Variants in MICU1 observed in about 807,000 individuals in gnomAD.
MICU1 encodes the protein calcium uptake protein 1, mitochondrial.
Under a neutral mutation model 56.8 loss-of-function variants are expected in MICU1, and 45 were observed. The ratio of observed to expected loss-of-function variants is 0.79; its 90% CI spans 0.62 to 1.02. The LOEUF (loss-of-function observed/expected upper bound fraction) is 1.02. Among genes scored for constraint, MICU1 ranks in the 50% least tolerant of loss-of-function variants. The pLI is 0.00. For missense variants in MICU1, 504 were observed against 587.1 expected (o/e 0.86, Z 1.46); for synonymous variants, 186 against 195.1 (o/e 0.95, Z 0.39).
chr10:72,372,822 A>G (rs1189621999), intron 11 of MICU1, among the ~76,000 whole-genome samples: 2 of 152,126 alleles, frequency 1.3e-5, no homozygotes, highest in Non-Finnish European at 2.9e-5. Context: ...AGCCTGGGCA[A>G]CAAGAGCTTG....
intron 11 of MICU1, among the ~76,000 whole-genome samples, chr10:72,370,203 C>A (rs918281253): frequency 6.6e-6 from 1 of 152,014 alleles, no homozygotes; most frequent in African/African-American, 2.4e-5. Context: ...TTAGAAACCA[C>A]CCAAGCCACA....
At chr10:72,536,940 G>A (rs925632981) in intron 4 of MICU1, among the ~76,000 whole-genome samples, 2 of 152,130 alleles carry the variant, frequency 1.3e-5, no homozygotes, top group Non-Finnish European at 2.9e-5. Context: ...GCAATACCCA[G>A]AATAACTCAA....
chr10:72,565,482 C>T (rs542375142), intron 2 of MICU1, among the ~76,000 whole-genome samples: 41 of 114,632 alleles, frequency 3.6e-4, no homozygotes, highest in African/African-American at 1.4e-3. Context: ...CACGCCGGGG[C>T]CTGTTGTGGG....
chr10:72,454,523 C>T (rs1211381407), intron 8 of MICU1, among the ~76,000 whole-genome samples: 1 of 151,500 alleles, frequency 6.6e-6, no homozygotes, highest in Non-Finnish European at 1.5e-5. Context: ...TGGCTCATGC[C>T]TGTAATCCCA....
At chr10:72,579,458 T>C (rs946773574) in intron 1 of MICU1, among the ~76,000 whole-genome samples, 1 of 152,192 alleles carries the variant, frequency 6.6e-6, no homozygotes, top group Admixed American at 6.5e-5. Context: ...AGTGAACTCC[T>C]GTTCCTGTAT....
chr10:72,407,646 C>A (rs1863672501), intron 10 of MICU1, among the ~76,000 whole-genome samples: 1 of 152,168 alleles, frequency 6.6e-6, no homozygotes, highest in Non-Finnish European at 1.5e-5. Flanking sequence ...AGGGGAAGTT[C>A]TGCAGCTTCA....
intron 6 of MICU1, among the ~76,000 whole-genome samples, chr10:72,504,065 A>C (rs1192170678): frequency 1.3e-5 from 2 of 152,198 alleles, no homozygotes; most frequent in Non-Finnish European, 2.9e-5. Context: ...TGCCCAAAGG[A>C]ATCTACAGAT....
chr10:72,408,155 C>A (rs1863690741), intron 9 of MICU1, 118 bp from the exon 10 acceptor site: 6 of 628,178 alleles, frequency 9.6e-6, no homozygotes, highest in Non-Finnish European at 1.7e-5. Context: ...AGAACAGAAA[C>A]TGAATACATT....
At chr10:72,588,096 C>T (rs1473633006) in intron 1 of MICU1, among the ~76,000 whole-genome samples, 2 of 152,152 alleles carry the variant, frequency 1.3e-5, no homozygotes, top group African/African-American at 2.4e-5. Context: ...TTTCCCCTCG[C>T]TGTTCTGTGA....
intron 1 of MICU1, among the ~76,000 whole-genome samples, chr10:72,598,564 T>C (rs181483322): frequency 1.3e-5 from 2 of 152,070 alleles, no homozygotes; most frequent in East Asian, 3.9e-4. Context: ...CCTCAAAATA[T>C]ATTCTTAAGC....
intron 5 of MICU1, among the ~76,000 whole-genome samples, chr10:72,513,029 G>A (rs1454306203): frequency 6.6e-6 from 1 of 152,028 alleles, no homozygotes; most frequent in Non-Finnish European, 1.5e-5. Flanking sequence ...AAGACAGGAG[G>A]AGGTTGCTCT....
intron 1 of MICU1, among the ~76,000 whole-genome samples, chr10:72,591,621 C>A (rs1841226957): frequency 2.0e-5 from 3 of 151,988 alleles, no homozygotes. Context: ...ATTGGGAAAC[C>A]TAGATAAGAT....
At chr10:72,556,456 T>G (rs1840161653) in intron 3 of MICU1, among the ~76,000 whole-genome samples, 1 of 152,112 alleles carries the variant, frequency 6.6e-6, no homozygotes, top group Admixed American at 6.6e-5. Context: ...TTCTCATGCC[T>G]CAGCCACCCA....
At chr10:72,480,839 T>C (rs1866271928) in intron 6 of MICU1, among the ~76,000 whole-genome samples, 1 of 152,218 alleles carries the variant, frequency 6.6e-6, no homozygotes, top group Non-Finnish European at 1.5e-5. Context: ...AATGACTGAA[T>C]GAGTTATTCT....
rs933722368 is a variant in MICU1 at position 72,509,260 on chromosome 10, C to T, written c.538-991G>A. 1.0e-5 allele frequency: 6 copies of T among 601,844 alleles called. No individual in the cohort carries two copies. In the Admixed American group the frequency reaches 1.9e-4, roughly 19 times the overall value. The allele number at this position is 601,844 out of a possible 1,614,324, so 37.3% of individuals were successfully genotyped here. A position where few individuals can be genotyped will look rare whatever the true frequency, so the allele number is the denominator to read the frequency against. ...TTTAAAAACCCAAACCAATAAAGCA[C>T]AATCAAAGTAATAATGTCATGCAAG... On this transcript the variant is annotated intron_variant, in intron 5 of 11. Coordinates refer to ENST00000361114, the MANE Select transcript of MICU1 (RefSeq NM_001195518.2).
intron 3 of MICU1, among the ~76,000 whole-genome samples, chr10:72,551,581 A>G (rs1840037102): frequency 6.6e-6 from 1 of 152,124 alleles, no homozygotes; most frequent in Admixed American, 6.5e-5. Context: ...GGCAATGCTC[A>G]TGTAACTTTT....
chr10:72,371,152 G>T (rs111258601), intron 11 of MICU1, among the ~76,000 whole-genome samples: 1 of 147,780 alleles, frequency 6.8e-6, no homozygotes, highest in Non-Finnish European at 1.5e-5. Context: ...TTGGGAGGCC[G>T]AGACGGGCGG....
intron 6 of MICU1, among the ~76,000 whole-genome samples, chr10:72,487,456 G>A (rs924201769): frequency 5.3e-5 from 8 of 152,066 alleles, no homozygotes; most frequent in Non-Finnish European, 7.4e-5. Context: ...GATGAAACAT[G>A]GCTTTACCAG....
At position 72,407,891 on chromosome 10, in the gene MICU1, T is replaced by C. The variant is rs1445611362; in HGVS notation, c.1180+38A>G. 3.6e-6 allele frequency: 5 copies of C among 1,406,174 alleles called. No homozygotes were observed. The African/African-American group carries it at 5.7e-5, about 16-fold the overall frequency. 87.1% of individuals were successfully genotyped at this position (1,406,174 alleles called of 1,614,324 possible). On this transcript the variant is annotated intron_variant, in intron 10 of 11. Coordinates refer to ENST00000361114, the MANE Select transcript of MICU1 (RefSeq NM_001195518.2). ...CACCTAAGAGATTACAGATCCAATG[T>C]TCATACCTTCAAAAAAACACTTTTT...
Sources: allele counts gnomAD v4.1 joint callset (sites outside exome capture counted in the v4.1 genomes callset), GRCh38; gene constraint gnomAD v4.1.1; transcripts MANE v1.5; gene names NCBI Gene and HGNC (gene_info 2026-07-23, HGNC 2026-07-21).